CAMSAP1: variants seen among roughly 807,000 people sequenced by gnomAD.
CAMSAP1 encodes calmodulin-regulated spectrin-associated protein 1.
CAMSAP1 carries 58 observed loss-of-function variants against 143.5 expected under a neutral mutation model. The observed-to-expected ratio is 0.40, with a 90% CI of 0.33 to 0.50. CAMSAP1 has a LOEUF of 0.50. Ranked by LOEUF, CAMSAP1 falls within the 20% of genes least tolerant of loss-of-function variation. CAMSAP1 has a pLI of 0.45. For missense variants in CAMSAP1, 1,969 were observed against 2,115.7 expected, an observed-to-expected ratio of 0.93 and a Z score of 1.36; for synonymous variants, 945 against 859.3, an observed-to-expected ratio of 1.10 and a Z score of -1.74.
chr9:135,864,465 A>G (rs1588485306), intron 4 of CAMSAP1, among the ~76,000 whole-genome samples: 1 of 152,218 alleles, frequency 6.6e-6, no homozygotes, highest in Admixed American at 6.5e-5. Context: ...TCGAGGATGG[A>G]CTTCAAAGGA....
At chr9:135,847,726 G>A (rs2130893730) in intron 7 of CAMSAP1, among the ~76,000 whole-genome samples, 1 of 145,378 alleles carries the variant, frequency 6.9e-6, no homozygotes, top group Admixed American at 7.0e-5. Context: ...GAGAGGGAGA[G>A]CATTAGGGAA....
chr9:135,832,121 G>A (rs560832296), intron 7 of CAMSAP1, among the ~76,000 whole-genome samples: 8 of 152,254 alleles, frequency 5.3e-5, no homozygotes, highest in African/African-American at 1.9e-4. Context: ...CAGAAGGAAA[G>A]AAAACTACAG....
chr9:135,904,745 G>C (rs1838720165), intron 1 of CAMSAP1, among the ~76,000 whole-genome samples: 1 of 152,082 alleles, frequency 6.6e-6, no homozygotes, highest in Non-Finnish European at 1.5e-5. Context: ...AAGGCAGGCG[G>C]ATCGTGAGGT....
intron 5 of CAMSAP1, among the ~76,000 whole-genome samples, chr9:135,852,057 G>C (rs1347923740): frequency 1.3e-5 from 2 of 152,204 alleles, no homozygotes; most frequent in African/African-American, 4.8e-5. Context: ...CCAGGCGGAG[G>C]GGCGTGAACA....
At chr9:135,881,911 C>T in intron 2 of CAMSAP1, 117 bp from the exon 3 acceptor site, 3 of 1,235,528 alleles carry the variant, frequency 2.4e-6, no homozygotes, top group Non-Finnish European at 3.4e-6. Flanking sequence ...CTCGCCCTTT[C>T]CGTCTGAAGA....
chr9:135,861,486 G>A (rs963525716), intron 5 of CAMSAP1, among the ~76,000 whole-genome samples: 1 of 151,964 alleles, frequency 6.6e-6, no homozygotes, highest in Non-Finnish European at 1.5e-5. Context: ...CTAATTTTTA[G>A]TAGAGACAGG....
intron 5 of CAMSAP1, among the ~76,000 whole-genome samples, chr9:135,861,501 C>T (rs1174235522): frequency 2.6e-5 from 4 of 152,052 alleles, no homozygotes; most frequent in Non-Finnish European, 5.9e-5. Flanking sequence ...GACAGGGTTT[C>T]GCCATGTTGG....
chr9:135,817,818 G>T, intron 14 of CAMSAP1, 159 bp downstream of exon 14: 1 of 649,098 alleles, frequency 1.5e-6, no homozygotes. Flanking sequence ...GAAGGGCACT[G>T]GTATTCCTGA....
intron 7 of CAMSAP1, among the ~76,000 whole-genome samples, chr9:135,828,184 A>G (rs565437021): frequency 3.3e-5 from 5 of 152,342 alleles, no homozygotes; most frequent in African/African-American, 1.2e-4. Context: ...CCTCTCTCCC[A>G]AAGGGTCAGC....
intron 1 of CAMSAP1, among the ~76,000 whole-genome samples, chr9:135,887,899 C>T (rs1588505694): frequency 1.3e-5 from 2 of 152,212 alleles, no homozygotes. Flanking sequence ...ATGAGCAACG[C>T]ATTCGCAGTG....
intron 3 of CAMSAP1, among the ~76,000 whole-genome samples, chr9:135,877,093 A>C (rs1341542127): frequency 6.6e-6 from 1 of 152,194 alleles, no homozygotes; most frequent in African/African-American, 2.4e-5. Flanking sequence ...AAACAACCCA[A>C]GTGTCCATCA....
chr9:135,872,402 C>T (rs746061626), intron 3 of CAMSAP1, among the ~76,000 whole-genome samples: 1 of 151,490 alleles, frequency 6.6e-6, no homozygotes, highest in African/African-American at 2.4e-5. Flanking sequence ...AAAGCAACCC[C>T]GACAAAATAC....
intron 3 of CAMSAP1, among the ~76,000 whole-genome samples, chr9:135,874,297 AT>A (rs1837660427): frequency 6.6e-6 from 1 of 152,132 alleles, no homozygotes; most frequent in Non-Finnish European, 1.5e-5. Flanking sequence ...ACGTGGCAAA[AT>A]CCCCTCTACA....
chr9:135,865,284 G>A (rs1018817760), intron 4 of CAMSAP1: 7 of 1,542,794 alleles, frequency 4.5e-6, no homozygotes, highest in African/African-American at 2.7e-5. Flanking sequence ...AAGTGATCGC[G>A]ACAGGATGGC....
At chr9:135,857,413 T>G (rs1163922696) in intron 5 of CAMSAP1, among the ~76,000 whole-genome samples, 1 of 152,196 alleles carries the variant, frequency 6.6e-6, no homozygotes, top group African/African-American at 2.4e-5. Flanking sequence ...GAACTGGTTT[T>G]TGGCGGCTCT....
chr9:135,864,456 C>T (rs114858432), intron 4 of CAMSAP1, among the ~76,000 whole-genome samples: 6 of 152,134 alleles, frequency 3.9e-5, no homozygotes, highest in Admixed American at 2.0e-4. Context: ...GCTATCGCCT[C>T]GAGGATGGAC....
chr9:135,886,296 C>T (rs752465165), intron 1 of CAMSAP1, among the ~76,000 whole-genome samples: 68 of 152,202 alleles, frequency 4.5e-4, no homozygotes, highest in Admixed American at 9.2e-4. Context: ...GTAATTTCCA[C>T]GCAATGTGGA....
At chr9:135,841,170 C>G (rs886672443) in intron 7 of CAMSAP1, among the ~76,000 whole-genome samples, 1 of 152,168 alleles carries the variant, frequency 6.6e-6, no homozygotes, top group Non-Finnish European at 1.5e-5. Context: ...GGAGGAGGGA[C>G]GTCCACCATT....
chr9:135,813,871 T>C (rs573513805), intron 16 of CAMSAP1, among the ~76,000 whole-genome samples: 1 of 152,336 alleles, frequency 6.6e-6, no homozygotes, highest in Admixed American at 6.5e-5. Flanking sequence ...TCAAAAGGGC[T>C]TTCCATGGCC....
Sources: gnomAD v4.1 joint callset for allele counts (sites outside exome capture counted in the v4.1 genomes callset) on GRCh38, gnomAD v4.1.1 for gene constraint, MANE v1.5 for transcripts, NCBI Gene and HGNC (gene_info 2026-07-23, HGNC 2026-07-21) for gene names.